Variants in LRRC49 observed in about 807,000 individuals in gnomAD.
LRRC49 encodes leucine-rich repeat-containing protein 49.
A neutral mutation model predicts 83.3 loss-of-function variants in LRRC49; 50 were observed. That is an observed-to-expected ratio of 0.60 (90% CI 0.48 to 0.76). The LOEUF is 0.76. LRRC49 is among the 30% of genes least tolerant of loss of function. The pLI is 0.00. For synonymous variants in LRRC49, 286 were observed against 283.3 expected (o/e 1.01, Z -0.10); for missense variants, 704 against 809.1 (o/e 0.87, Z 1.58).
At chr15:70,951,741 A>G (rs2036224474) in intron 8 of LRRC49, among the ~76,000 whole-genome samples, 1 of 152,048 alleles carries the variant, frequency 6.6e-6, no homozygotes, top group South Asian at 2.1e-4. Flanking sequence ...CCTAATTTAG[A>G]TGCCTTTTAT....
chr15:70,874,841 C>T (rs962886656), intron 2 of LRRC49, among the ~76,000 whole-genome samples: 1 of 152,220 alleles, frequency 6.6e-6, no homozygotes, highest in Non-Finnish European at 1.5e-5. Flanking sequence ...AGATCCCTAT[C>T]ATTCTTCAAC....
At chr15:71,008,971 A>G (rs1406571073) in intron 12 of LRRC49, among the ~76,000 whole-genome samples, 1 of 151,920 alleles carries the variant, frequency 6.6e-6, no homozygotes, top group Non-Finnish European at 1.5e-5. Flanking sequence ...TTTACTGTAT[A>G]ATTTTTACAG....
chr15:70,890,132 G>A (rs1454824800), upstream of LRRC49, among the ~76,000 whole-genome samples: 1 of 152,140 alleles, frequency 6.6e-6, no homozygotes, highest in Admixed American at 6.5e-5. Context: ...GACTTTGGTT[G>A]TTTGACTAGC....
At chr15:70,891,409 T>C (rs1008597110), upstream of LRRC49, among the ~76,000 whole-genome samples, 5 of 152,128 alleles carry the variant, frequency 3.3e-5, no homozygotes, top group Admixed American at 6.6e-5. Context: ...GCCCCATCAT[T>C]TGTGACACAA....
At chr15:70,940,025 A>C (rs949417033) in intron 8 of LRRC49, among the ~76,000 whole-genome samples, 1 of 151,992 alleles carries the variant, frequency 6.6e-6, no homozygotes, top group African/African-American at 2.4e-5. Flanking sequence ...GCTGTTTTCA[A>C]AATTTTACTG....
chr15:70,929,010 A>T lies in LRRC49; in HGVS notation c.712-7751A>T, dbSNP rs192732720. ...ATTCTTTGTTTCTATAATTTTCATCATTCTTATTTCTCTCTGCTTCATTTC... is the reference window on the plus strand; with the variant it reads ...ATTCTTTGTTTCTATAATTTTCATCTTTCTTATTTCTCTCTGCTTCATTTC... On this transcript the variant is annotated intron_variant, in intron 7 of 15. Transcript: ENST00000260382. Among the ~76,000 whole-genome samples, 162 of 152,196 alleles carry T rather than the reference A, an allele frequency of 1.1e-3. 1 individual carries two copies. The highest frequency in any genetic ancestry group is 3.8e-3 in the African/African-American group (157 of 41,528).
intron 2 of LRRC49, among the ~76,000 whole-genome samples, chr15:70,886,154 C>T (rs780415916): frequency 6.6e-6 from 1 of 152,082 alleles, no homozygotes; most frequent in African/African-American, 2.4e-5. Context: ...ATACCTAAAA[C>T]TTGTAAGATT....
At chr15:70,965,195 G>C (rs939137568) in intron 9 of LRRC49, among the ~76,000 whole-genome samples, 2 of 152,148 alleles carry the variant, frequency 1.3e-5, no homozygotes, top group African/African-American at 4.8e-5. Flanking sequence ...AGTGGGATAA[G>C]ATTTAGAGCT....
At chr15:70,993,343 G>A (rs902429209) in intron 11 of LRRC49, among the ~76,000 whole-genome samples, 2 of 152,168 alleles carry the variant, frequency 1.3e-5, no homozygotes, top group African/African-American at 4.8e-5. Flanking sequence ...GTGAGGTGAT[G>A]CCTCACCCTG....
chr15:71,037,125 G>A, intron 14 of LRRC49, 54 bp from the exon 15 acceptor site: 1 of 1,271,646 alleles, frequency 7.9e-7, no homozygotes. Flanking sequence ...AAATAGACAT[G>A]TTTTAGTAAG....
At chr15:70,890,313 C>T (rs1326516159), upstream of LRRC49, among the ~76,000 whole-genome samples, 1 of 152,050 alleles carries the variant, frequency 6.6e-6, no homozygotes, top group Non-Finnish European at 1.5e-5. Context: ...TGATGGTGGA[C>T]AGATGGTTCA....
intron 1 of LRRC49, among the ~76,000 whole-genome samples, chr15:70,863,168 C>T (rs998556710): frequency 1.3e-5 from 2 of 152,244 alleles, no homozygotes; most frequent in African/African-American, 4.8e-5. Flanking sequence ...ATTCAAGGAC[C>T]ACGGGCATCA....
rs1303283442 is a variant in LRRC49 at position 71,050,464 on chromosome 15, A to AT, written c.*855dup. The stretch of plus-strand genomic sequence containing the variant: ...GAAGGGTTCTAATTTTTAAAATTTC[A>AT]TTTGAAGATCAAATTCATGCTGGTG... On this transcript the variant is annotated 3_prime_UTR_variant, in exon 16 of 16. Coordinates refer to ENST00000260382, the MANE Select transcript of LRRC49 (RefSeq NM_017691.5). 1 of 152,240 alleles carries AT rather than the reference A, an allele frequency of 6.6e-6. No individual in the cohort carries two copies. The highest frequency in any genetic ancestry group is 1.5e-5 in the Non-Finnish European group (1 of 68,040). 9.4% of individuals were successfully genotyped at this position (152,240 alleles called of 1,614,324 possible).
Position 71,053,365 on chromosome 15 carries a change from G to C in LRRC49, c.*3753G>C, listed in dbSNP as rs929662355. On this transcript the variant is annotated 3_prime_UTR_variant, in exon 16 of 16. Transcript: ENST00000260382. Reference sequence around the variant, plus strand: ...TGAGTTGCCATCAACTGAGATGAGAGCAATCTGTGAATGGAACATCTGCTG... The same window carrying C: ...TGAGTTGCCATCAACTGAGATGAGACCAATCTGTGAATGGAACATCTGCTG... 1.3e-5 allele frequency: 2 copies of C among 152,158 alleles called. No homozygotes were observed. Among genetic ancestry groups the C allele is most frequent in the Non-Finnish European group, 2.9e-5 (2 of 68,046 alleles). 9.4% of individuals were successfully genotyped at this position (152,158 alleles called of 1,614,324 possible).
At chr15:71,006,800 A>G (rs1344177951) in intron 11 of LRRC49, among the ~76,000 whole-genome samples, 5 of 152,048 alleles carry the variant, frequency 3.3e-5, no homozygotes, top group Admixed American at 6.6e-5. Flanking sequence ...CACTCTTTTC[A>G]TCTTCTTTGT....
chr15:70,891,999 C>A, upstream of LRRC49: 1 of 1,613,072 alleles, frequency 6.2e-7, no homozygotes. Flanking sequence ...GGGGCGGGCA[C>A]CCGGTGCAGG....
intron 8 of LRRC49, among the ~76,000 whole-genome samples, chr15:70,953,638 A>C (rs1405436088): frequency 6.6e-6 from 1 of 151,948 alleles, no homozygotes; most frequent in Non-Finnish European, 1.5e-5. Context: ...GTGTTCTCTG[A>C]GTTTCTTGAA....
intron 8 of LRRC49, among the ~76,000 whole-genome samples, chr15:70,948,639 C>G (rs911530177): frequency 6.6e-6 from 1 of 151,976 alleles, no homozygotes; most frequent in Non-Finnish European, 1.5e-5. Flanking sequence ...TAAGTACTTC[C>G]TTCCTTTCTG....
At chr15:70,946,711 A>G (rs574802240) in intron 8 of LRRC49, among the ~76,000 whole-genome samples, 4 of 152,098 alleles carry the variant, frequency 2.6e-5, no homozygotes, top group Non-Finnish European at 5.9e-5. Context: ...GACAGCAACA[A>G]TGTACAGGGT....
Sources: gnomAD v4.1 joint callset for allele counts (sites outside exome capture counted in the v4.1 genomes callset) on GRCh38, gnomAD v4.1.1 for gene constraint, MANE v1.5 for transcripts, NCBI Gene and HGNC (gene_info 2026-07-23, HGNC 2026-07-21) for gene names.